EML5: variants seen among roughly 807,000 people sequenced by gnomAD.
EML5 encodes echinoderm microtubule-associated protein-like 5.
A neutral mutation model predicts 250.0 loss-of-function variants in EML5; 120 were observed. The ratio of observed to expected loss-of-function variants is 0.48; its 90% CI spans 0.41 to 0.56. The LOEUF (loss-of-function observed/expected upper bound fraction) is 0.56, where lower values mean the gene tolerates loss of function less well. Among genes scored for constraint, EML5 ranks in the 20% least tolerant of loss-of-function variants. The pLI is 0.00. For synonymous variants in EML5, 771 were observed against 806.5 expected (o/e 0.96, Z 0.75); for missense variants, 2,006 against 2,437.6 (o/e 0.82, Z 3.73).
chr14:88,748,448 G>A (rs928324057), intron 2 of EML5, among the ~76,000 whole-genome samples: 1 of 152,116 alleles, frequency 6.6e-6, no homozygotes, highest in African/African-American at 2.4e-5. Flanking sequence ...AGTAATTCTA[G>A]AGCAAAAGCT....
intron 10 of EML5, among the ~76,000 whole-genome samples, chr14:88,707,337 A>T (rs529190298): frequency 6.6e-6 from 1 of 151,526 alleles, no homozygotes; most frequent in South Asian, 2.1e-4. Context: ...TATGTTGCCC[A>T]GGCTGGTCTC....
At chr14:88,616,576 A>G in intron 42 of EML5, 150 bp downstream of exon 42, 1 of 789,744 alleles carries the variant, frequency 1.3e-6, no homozygotes, top group Non-Finnish European at 1.9e-6. Context: ...TGTTTCTAAT[A>G]GCTTTTATTT....
chr14:88,637,544 A>G (rs752580390), intron 32 of EML5, among the ~76,000 whole-genome samples: 1 of 152,152 alleles, frequency 6.6e-6, no homozygotes, highest in Non-Finnish European at 1.5e-5. Context: ...CTAGAATTCT[A>G]TTTGCAGAAC....
At chr14:88,780,607 A>T (rs982278255) in intron 1 of EML5, among the ~76,000 whole-genome samples, 2 of 151,732 alleles carry the variant, frequency 1.3e-5, no homozygotes, top group Non-Finnish European at 2.9e-5. Context: ...AGTCTCACTC[A>T]CTGTGTCATC....
rs1332877130 is a variant in EML5, at chr14:88,740,497, G to A, written c.601C>T (p.Leu201=). 7 of 1,613,670 alleles carry A rather than the reference G, an allele frequency of 4.3e-6. No homozygotes were observed. The highest frequency in any genetic ancestry group is 4.0e-5 in the African/African-American group (3 of 74,924). ...TCATCCCTTGCACAGGCTAGGCACAGTATTGTCTGAAGGTCACCCGTCTTA... is the reference window on the plus strand; with the variant it reads ...TCATCCCTTGCACAGGCTAGGCACAATATTGTCTGAAGGTCACCCGTCTTA... ...FGKTGDLQTI[L]CLACARDELT... is the part of the protein sequence containing the mutation. The change falls in exon 5 of 44, where the codon CTG becomes TTG. Residue 201 remains leucine (L), a synonymous_variant. Coordinates refer to ENST00000554922, the MANE Select transcript of EML5 (RefSeq NM_183387.3).
rs1009199884 is a variant in EML5, at chr14:88,783,310, G to T, written c.197+8997C>A. Reference sequence around the variant, plus strand: ...AAAGACAGCCACAGTCTGGAGGATGGTGTAAATGTAAAGGACTAAAATCTC... The same window carrying T: ...AAAGACAGCCACAGTCTGGAGGATGTTGTAAATGTAAAGGACTAAAATCTC... On this transcript the variant is annotated intron_variant, in intron 1 of 43. Coordinates refer to ENST00000554922, the MANE Select transcript of EML5 (RefSeq NM_183387.3). 4.6e-5 allele frequency among the ~76,000 whole-genome samples: 7 copies of T among 152,286 alleles called. No homozygotes were observed. In the South Asian group the frequency reaches 1.5e-3, roughly 32 times the overall value.
chr14:88,768,578 T>G (rs1441598008), intron 1 of EML5, among the ~76,000 whole-genome samples: 1 of 152,012 alleles, frequency 6.6e-6, no homozygotes, highest in Non-Finnish European at 1.5e-5. Context: ...ACCTGGCTAA[T>G]TTTTTGTATT....
At chr14:88,666,801 G>A (rs1486466689) in intron 21 of EML5, among the ~76,000 whole-genome samples, 1 of 152,070 alleles carries the variant, frequency 6.6e-6, no homozygotes, top group East Asian at 1.9e-4. Context: ...TATGAAATCT[G>A]ATGAGGAAAG....
intron 8 of EML5, among the ~76,000 whole-genome samples, chr14:88,722,766 A>T (rs1439091853): frequency 6.6e-6 from 1 of 152,166 alleles, no homozygotes; most frequent in African/African-American, 2.4e-5. Flanking sequence ...CTGATTTTTC[A>T]TAAAAAAAAA....
At chr14:88,661,349 C>T (rs1454595686) in intron 25 of EML5, among the ~76,000 whole-genome samples, 1 of 152,170 alleles carries the variant, frequency 6.6e-6, no homozygotes, top group Non-Finnish European at 1.5e-5. Context: ...CCTCAGGCTC[C>T]CAAAGTACTA....
At chr14:88,618,356 C>A (rs1220701522) in intron 40 of EML5, 25 bp from the exon 41 acceptor site, 1 of 1,594,740 alleles carries the variant, frequency 6.3e-7, no homozygotes, top group Non-Finnish European at 8.6e-7. Context: ...TAAAATGGGA[C>A]AAGAATTCCA....
intron 1 of EML5, among the ~76,000 whole-genome samples, chr14:88,778,438 G>C (rs2094466979): frequency 6.6e-6 from 1 of 152,168 alleles, no homozygotes; most frequent in African/African-American, 2.4e-5. Flanking sequence ...ATATTATATT[G>C]ACAATTCTGT....
At position 88,661,820 on chromosome 14, in the gene EML5, A is replaced by AT. The variant is rs770447892; in HGVS notation, c.3508dup (p.Ile1170AsnfsTer15). On this transcript the variant is annotated frameshift_variant, in exon 25 of 44. Coordinates refer to ENST00000554922, the MANE Select transcript of EML5 (RefSeq NM_183387.3). LOFTEE classifies it high-confidence loss of function. ...TACACTTGTCCATGATGCCCAAGCAATTTTTTCTACCTAAAAATGAAAAAC... is the reference window on the plus strand; with the variant it reads ...TACACTTGTCCATGATGCCCAAGCAATTTTTTTCTACCTAAAAATGAAAAAC... The AT allele has an allele frequency of 3.7e-6, 6 of 1,606,690 alleles. No individual in the cohort carries two copies. The highest frequency in any genetic ancestry group is 1.3e-5 in the African/African-American group (1 of 74,792).
At chr14:88,730,374 G>A (rs2093736677) in intron 7 of EML5, among the ~76,000 whole-genome samples, 1 of 152,210 alleles carries the variant, frequency 6.6e-6, no homozygotes, top group African/African-American at 2.4e-5. Flanking sequence ...TGCAAGAGAA[G>A]TAAGTTTCTG....
chr14:88,616,696 C>A, intron 42 of EML5, 30 bp downstream of exon 42: 1 of 1,590,892 alleles, frequency 6.3e-7, no homozygotes, highest in Non-Finnish European at 8.6e-7. Context: ...TAGGAGTAAA[C>A]TGATAATAGT....
At chr14:88,678,674 A>T (rs1567108841) in intron 21 of EML5, among the ~76,000 whole-genome samples, 1 of 152,202 alleles carries the variant, frequency 6.6e-6, no homozygotes, top group Non-Finnish European at 1.5e-5. Context: ...AATCATTAGC[A>T]TCCAGAGTAA....
chr14:88,624,874 C>T (rs557944545), intron 36 of EML5, 96 bp downstream of exon 36: 2 of 1,375,700 alleles, frequency 1.5e-6, no homozygotes, highest in African/African-American at 2.9e-5. Context: ...TCGGAGAGGA[C>T]ACTCTGTGTA....
chr14:88,621,199 A>G lies in EML5; in HGVS notation c.5116T>C (p.Trp1706Arg). 6.2e-7 allele frequency: 1 copy of G among 1,613,944 alleles called. No homozygotes were observed. Among genetic ancestry groups the G allele is most frequent in the Non-Finnish European group, 8.5e-7 (1 of 1,179,858 alleles). The change falls in exon 38 of 44, where the codon TGG (tryptophan) becomes CGG (arginine). Residue 1706 changes from tryptophan (W) to arginine (R), a missense_variant. Transcript: ENST00000554922. ...CTGGAAGGATGTGTTGCTAGTCCCCAGATTGGCCCATCCACATGACCGTTA... is the reference window on the plus strand; with the variant it reads ...CTGGAAGGATGTGTTGCTAGTCCCCGGATTGGCCCATCCACATGACCGTTA... ...LVNGHVDGPI[W>R]GLATHPSRDF...
Position 88,663,101 on chromosome 14 carries a change from T to A in EML5, c.3428A>T (p.Asn1143Ile). The change falls in exon 24 of 44, where the codon AAC (asparagine) becomes ATC (isoleucine). Residue 1143 changes from asparagine to isoleucine, a missense_variant. By Grantham distance (149) the Asn-to-Ile change is moderately radical. This residue lies in a region of EML5 where 1,375 missense variants were observed against 1,590.3 expected (regional missense o/e 0.86). Transcript: ENST00000554922. ...WDIRGKLLQV[N>I]TGAKEQLFFE... ...GAATAATTGTTCCTTAGCACCAGTGTTGACCTGTAAAAGCTTTCCTTCAAA... is the reference window on the plus strand; with the variant it reads ...GAATAATTGTTCCTTAGCACCAGTGATGACCTGTAAAAGCTTTCCTTCAAA... The A allele has an allele frequency of 6.5e-7, 1 of 1,547,982 alleles. No individual in the cohort carries two copies. Among genetic ancestry groups the A allele is most frequent in the Non-Finnish European group, 8.7e-7 (1 of 1,145,522 alleles).
Sources: gnomAD v4.1 joint callset for allele counts (sites outside exome capture counted in the v4.1 genomes callset) on GRCh38, gnomAD v4.1.1 for gene constraint, gnomAD v4.1.1 regional missense constraint, MANE v1.5 for transcripts, NCBI Gene and HGNC (gene_info 2026-07-23, HGNC 2026-07-21) for gene names.